The following SEMA5B variants were observed in gnomAD, a reference collection of about 807,000 sequenced individuals.
SEMA5B encodes the protein semaphorin-5B.
Under a neutral mutation model 135.0 loss-of-function variants are expected in SEMA5B, and 66 were observed. That is an observed-to-expected ratio of 0.49 (90% CI 0.40 to 0.60). The LOEUF (loss-of-function observed/expected upper bound fraction) is 0.60. SEMA5B is among the 20% of genes least tolerant of loss of function. The probability of loss-of-function intolerance (pLI) is 0.00; values close to 1 mark genes in which losing one functional copy is unlikely to be tolerated. For synonymous variants in SEMA5B, 690 were observed against 639.5 expected (o/e 1.08, Z -1.19); for missense variants, 1,501 against 1,566.3 (o/e 0.96, Z 0.70).
At chr3:122,928,454 G>T in intron 7 of SEMA5B, 63 bp downstream of exon 7, 1 of 1,342,536 alleles carries the variant, frequency 7.4e-7, no homozygotes, top group Non-Finnish European at 1.0e-6. Flanking sequence ...AAGGCTGTGT[G>T]CCTAGGCAGG....
intron 1 of SEMA5B, among the ~76,000 whole-genome samples, chr3:123,022,279 A>G (rs1942700939): frequency 6.6e-6 from 1 of 152,214 alleles, no homozygotes; most frequent in African/African-American, 2.4e-5. Flanking sequence ...ACATCCTTCA[A>G]GTACCAACCT....
intron 14 of SEMA5B, 69 bp downstream of exon 14, chr3:122,915,371 G>A: frequency 1.3e-6 from 2 of 1,485,484 alleles, no homozygotes; most frequent in Non-Finnish European, 9.1e-7. Context: ...CAAGTGAGGG[G>A]TCCCCGTTTC....
chr3:122,914,777 A>G (rs529369690), intron 14 of SEMA5B, among the ~76,000 whole-genome samples: 8 of 152,284 alleles, frequency 5.3e-5, no homozygotes, highest in African/African-American at 1.9e-4. Flanking sequence ...TCTACAAAAA[A>G]TTTTTAAAAA....
At chr3:122,934,452 G>A (rs1490048421) in intron 5 of SEMA5B, among the ~76,000 whole-genome samples, 2 of 152,176 alleles carry the variant, frequency 1.3e-5, no homozygotes, top group Non-Finnish European at 2.9e-5. Context: ...AACATGTTCA[G>A]TCATGCCACC....
intron 1 of SEMA5B, among the ~76,000 whole-genome samples, chr3:122,990,548 C>T (rs1192507779): frequency 1.8e-5 from 2 of 113,552 alleles, no homozygotes; most frequent in Admixed American, 1.6e-4. Context: ...TCTCTACCTG[C>T]CCCCCCAAAC....
intron 9 of SEMA5B, among the ~76,000 whole-genome samples, chr3:122,924,379 C>A (rs1228312406): frequency 6.6e-6 from 1 of 152,116 alleles, no homozygotes; most frequent in Non-Finnish European, 1.5e-5. Context: ...CAAATGTGTC[C>A]ATTTCTCTCC....
Position 122,928,983 on chromosome 3 carries a change from C to A in SEMA5B, c.537+13G>T, listed in dbSNP as rs376248027. ...GCTCCAGGTGGGGCCCCTGGACCGC[C>A]GAGACCACGTACCTCAGTCTTCCCT... On this transcript the variant is annotated intron_variant, in intron 6 of 22. Transcript: ENST00000357599. 1.2e-6 allele frequency: 2 copies of A among 1,611,548 alleles called. No individual in the cohort carries two copies. The highest frequency in any genetic ancestry group is 1.7e-6 in the Non-Finnish European group (2 of 1,179,962).
Position 122,910,173 on chromosome 3 carries a change from T to A in SEMA5B, c.3426A>T (p.Ser1142=). The change falls in exon 23 of 23, where the codon TCA becomes TCT. Residue 1142 remains serine (S), a synonymous_variant. Transcript: ENST00000357599. Reference sequence around the variant, plus strand: ...TGTTGGGGAAGCACCGTTGTCCAGGTGAGGCCTCGGGCCGGAAGCTGTGTT... The same window carrying A: ...TGTTGGGGAAGCACCGTTGTCCAGGAGAGGCCTCGGGCCGGAAGCTGTGTT... ...LNKHSFRPEA[S]PGQRCFPNS 1 of 1,614,190 alleles carries A rather than the reference T, an allele frequency of 6.2e-7. No individual in the cohort carries two copies. The highest frequency in any genetic ancestry group is 2.2e-5 in the East Asian group (1 of 44,890).
chr3:122,975,452 G>C (rs1011191804), intron 1 of SEMA5B: 2 of 154,350 alleles, frequency 1.3e-5, no homozygotes, highest in African/African-American at 4.8e-5. Flanking sequence ...CACAGCCTGG[G>C]TCGACACTGA....
chr3:122,948,175 A>C (rs1031356270), intron 3 of SEMA5B, among the ~76,000 whole-genome samples: 8 of 152,146 alleles, frequency 5.3e-5, no homozygotes, highest in Admixed American at 5.2e-4. Context: ...CTCCTAATGC[A>C]TGAGTCATGC....
At chr3:123,001,510 C>T (rs1258302976) in intron 1 of SEMA5B, among the ~76,000 whole-genome samples, 1 of 152,206 alleles carries the variant, frequency 6.6e-6, no homozygotes, top group Admixed American at 6.5e-5. Flanking sequence ...ATCTGCCCCA[C>T]TCTATCCAAC....
chr3:122,987,611 G>T (rs1469281547), intron 1 of SEMA5B, among the ~76,000 whole-genome samples: 2 of 152,212 alleles, frequency 1.3e-5, no homozygotes, highest in African/African-American at 2.4e-5. Context: ...CTCGGAAAGG[G>T]CAGGAGTGTT....
intron 1 of SEMA5B, among the ~76,000 whole-genome samples, chr3:122,977,754 G>A (rs1941381055): frequency 6.6e-6 from 1 of 152,178 alleles, no homozygotes; most frequent in Admixed American, 6.5e-5. Flanking sequence ...AAGTCTCACT[G>A]GGGAGAACCA....
upstream of SEMA5B, among the ~76,000 whole-genome samples, chr3:123,028,150 C>A (rs978506849): frequency 6.6e-6 from 1 of 152,184 alleles, no homozygotes; most frequent in Non-Finnish European, 1.5e-5. Context: ...GCCTGCCCAC[C>A]CCAACACTCA....
At position 122,910,317 on chromosome 3, in the gene SEMA5B, G is replaced by A; in HGVS notation, c.3298-16C>T. 3 of 1,613,436 alleles carry A rather than the reference G, an allele frequency of 1.9e-6. No individual in the cohort carries two copies. Among genetic ancestry groups the A allele is most frequent in the Non-Finnish European group, 2.5e-6 (3 of 1,179,620 alleles). On this transcript the variant is annotated splice_polypyrimidine_tract_variant and intron_variant, in intron 22 of 22. Coordinates refer to ENST00000357599, the MANE Select transcript of SEMA5B (RefSeq NM_001031702.4). ...TGTTCAGGGTCTGTGGGTGGAAGAA[G>A]GAACCAGAGAAAGGGGTGAGGGAAC...
Position 122,954,860 on chromosome 3 carries a change from C to G in SEMA5B, c.125-6151G>C, listed in dbSNP as rs184792006. Among the ~76,000 whole-genome samples, 5 of 147,194 alleles carry G rather than the reference C, an allele frequency of 3.4e-5. No individual in the cohort carries two copies. The East Asian group carries it at 1.0e-3, about 29-fold the overall frequency. On this transcript the variant is annotated intron_variant, in intron 2 of 22. Transcript: ENST00000357599. ...CTAGGCTGGAGTGCAGTGGAATGAT[C>G]ACAGCCACTGCAGCCTCAACCTCCC...
intron 1 of SEMA5B, among the ~76,000 whole-genome samples, chr3:122,992,473 G>A (rs1006633439): frequency 2.0e-5 from 3 of 152,108 alleles, no homozygotes; most frequent in Admixed American, 2.0e-4. Flanking sequence ...GGGGCATTTC[G>A]GAGACACCAT....
intron 1 of SEMA5B, among the ~76,000 whole-genome samples, chr3:122,996,738 C>G (rs189328900): frequency 1.3e-5 from 2 of 152,236 alleles, no homozygotes; most frequent in African/African-American, 4.8e-5. Context: ...GAAATTGGGA[C>G]GTTCCGTGAG....
chr3:122,982,837 G>A (rs1035405938), intron 1 of SEMA5B, among the ~76,000 whole-genome samples: 3 of 152,168 alleles, frequency 2.0e-5, no homozygotes, highest in East Asian at 1.9e-4. Flanking sequence ...GATGTCCCTC[G>A]GGCCTAGGGC....
Sources: gnomAD v4.1 joint callset for allele counts (sites outside exome capture counted in the v4.1 genomes callset) on GRCh38, gnomAD v4.1.1 for gene constraint, MANE v1.5 for transcripts, NCBI Gene and HGNC (gene_info 2026-07-23, HGNC 2026-07-21) for gene names.